Variants in AMMECR1 observed in about 807,000 individuals in gnomAD.
The protein encoded by AMMECR1 is nuclear protein AMMECR1.
A neutral mutation model predicts 22.5 loss-of-function variants in AMMECR1; 3 were observed. That is an observed-to-expected ratio of 0.13 (90% CI 0.06 to 0.35). AMMECR1 has a LOEUF of 0.35. AMMECR1 is among the 10% of genes least tolerant of loss of function. The pLI, the probability that AMMECR1 is intolerant of heterozygous loss-of-function variation, is 1.00. For synonymous variants in AMMECR1, 130 were observed against 116.7 expected (o/e 1.11, Z -0.74); for missense variants, 235 against 278.7 (o/e 0.84, Z 1.12).
chrX:110,318,803 C>T (rs933466253), upstream of AMMECR1, among the ~76,000 whole-genome samples: 3 of 112,051 alleles, frequency 2.7e-5, no homozygotes, highest in Non-Finnish European at 5.6e-5. Flanking sequence ...GAGAAATATT[C>T]AAGTCCGACT....
At chrX:110,300,682 A>G (rs2067961479) in intron 1 of AMMECR1, among the ~76,000 whole-genome samples, 1 of 112,245 alleles carries the variant, frequency 8.9e-6, no homozygotes, top group African/African-American at 3.2e-5. Flanking sequence ...TGAATTTTAC[A>G]TTCTACACTA....
At chrX:110,430,314 A>G (rs1048730432) in intron 1 of AMMECR1, among the ~76,000 whole-genome samples, 3 of 112,788 alleles carry the variant, frequency 2.7e-5, no homozygotes, top group Non-Finnish European at 5.6e-5. Context: ...AATAATTACT[A>G]ACATTTATTG....
intron 1 of AMMECR1, chrX:110,309,489 CTG>C (rs1219936590): frequency 2.7e-5 from 3 of 112,380 alleles, no homozygotes; most frequent in African/African-American, 9.7e-5. Flanking sequence ...AAACAGTCAA[CTG>C]TGCTCTCCCG....
chrX:110,399,366 G>A (rs773911994), intron 2 of AMMECR1, among the ~76,000 whole-genome samples: 1 of 112,337 alleles, frequency 8.9e-6, no homozygotes, highest in Non-Finnish European at 1.9e-5. Flanking sequence ...ACCTACGCTG[G>A]TCTGGCTCCA....
intron 1 of AMMECR1, 78 bp downstream of exon 1, chrX:110,317,521 G>A (rs1271807748): frequency 1.0e-5 from 11 of 1,084,399 alleles, no homozygotes; most frequent in Non-Finnish European, 1.3e-5. Context: ...CCGGCCGGGA[G>A]GCGGACTCGC....
intron 2 of AMMECR1, among the ~76,000 whole-genome samples, chrX:110,220,027 A>G (rs1271742459): frequency 8.9e-6 from 1 of 111,915 alleles, no homozygotes; most frequent in African/African-American, 3.2e-5. Context: ...GCTGATAAAC[A>G]ACAAGATTCA....
At chrX:110,203,836 G>C (rs1467902497) in intron 3 of AMMECR1, among the ~76,000 whole-genome samples, 4 of 111,575 alleles carry the variant, frequency 3.6e-5, no homozygotes, top group Non-Finnish European at 5.7e-5. Context: ...TCTTTCCCCA[G>C]GTCTTCACAC....
chrX:110,247,327 A>G (rs750425460), intron 2 of AMMECR1, among the ~76,000 whole-genome samples: 34 of 112,324 alleles, frequency 3.0e-4, no homozygotes, highest in African/African-American at 1.0e-3. Context: ...AGGCCAAGCC[A>G]GGTGGATAGC....
At chrX:110,418,729 G>A (rs1331794063) in intron 2 of AMMECR1, among the ~76,000 whole-genome samples, 1 of 111,573 alleles carries the variant, frequency 9.0e-6, no homozygotes, top group Non-Finnish European at 1.9e-5. Flanking sequence ...AAACGGAGCC[G>A]AATACCTGAT....
At chrX:110,429,011 G>A (rs2068775346) in intron 1 of AMMECR1, among the ~76,000 whole-genome samples, 1 of 111,459 alleles carries the variant, frequency 9.0e-6, no homozygotes, top group African/African-American at 3.3e-5. Flanking sequence ...CTTTCTCCAC[G>A]GCTTTTGTCA....
At chrX:110,307,206 A>T (rs2068000428) in intron 1 of AMMECR1, 1 of 106,404 alleles carries the variant, frequency 9.4e-6, no homozygotes, top group Admixed American at 1.0e-4. Flanking sequence ...AAATCATACC[A>T]TTGCACTCTA....
intron 1 of AMMECR1, among the ~76,000 whole-genome samples, chrX:110,427,635 A>T (rs1271491388): frequency 1.8e-5 from 2 of 111,925 alleles, no homozygotes; most frequent in Admixed American, 1.9e-4. Flanking sequence ...AGTCATAAGT[A>T]TTGTTTTTAA....
At chrX:110,395,986 A>G (rs2068525884) in intron 2 of AMMECR1, among the ~76,000 whole-genome samples, 1 of 111,831 alleles carries the variant, frequency 8.9e-6, no homozygotes, top group African/African-American at 3.3e-5. Context: ...GCAGAAAAGT[A>G]CTTTACAAAG....
At chrX:110,346,223 TTA>T (rs2068188379) in intron 2 of AMMECR1, among the ~76,000 whole-genome samples, 1 of 112,180 alleles carries the variant, frequency 8.9e-6, no homozygotes, top group Admixed American at 9.5e-5. Context: ...TATTAAATTT[TTA>T]TATGTTACTT....
At chrX:110,224,367 T>G (rs1159861173) in intron 2 of AMMECR1, among the ~76,000 whole-genome samples, 1 of 111,199 alleles carries the variant, frequency 9.0e-6, no homozygotes, top group Non-Finnish European at 1.9e-5. Context: ...CTAAATAATA[T>G]ATGGATATGT....
chrX:110,309,035 C>T (rs1044543439), intron 1 of AMMECR1: 1 of 111,862 alleles, frequency 8.9e-6, no homozygotes, highest in African/African-American at 3.3e-5. Context: ...TGTACTGAGG[C>T]CCAAGTTTTA....
At chrX:110,236,150 T>A (rs2067599842) in intron 2 of AMMECR1, among the ~76,000 whole-genome samples, 2 of 112,131 alleles carry the variant, frequency 1.8e-5, no homozygotes, top group Non-Finnish European at 3.8e-5. Flanking sequence ...TGATTACTGA[T>A]ATGAGGGCAT....
chrX:110,432,335 C>T (rs897662034), intron 1 of AMMECR1, among the ~76,000 whole-genome samples: 3 of 112,398 alleles, frequency 2.7e-5, no homozygotes, highest in African/African-American at 9.7e-5. Context: ...CACCCCCTGC[C>T]GGGTTCTTTC....
intron 2 of AMMECR1, among the ~76,000 whole-genome samples, chrX:110,354,926 T>C: frequency 8.9e-6 from 1 of 112,033 alleles, no homozygotes; most frequent in Non-Finnish European, 1.9e-5. Flanking sequence ...GTCTGGACAA[T>C]GATTTCTTGG....
Sources: allele counts gnomAD v4.1 joint callset (sites outside exome capture counted in the v4.1 genomes callset), GRCh38; gene constraint gnomAD v4.1.1; transcripts MANE v1.5; gene names NCBI Gene and HGNC (gene_info 2026-07-23, HGNC 2026-07-21).